The following LTBP3 variants were observed in gnomAD, a reference collection of about 807,000 sequenced individuals.
LTBP3 encodes latent-transforming growth factor beta-binding protein 3.
A neutral mutation model predicts 159.7 loss-of-function variants in LTBP3; 97 were observed. That is an observed-to-expected ratio of 0.61 (90% confidence interval 0.52 to 0.72). The LOEUF (loss-of-function observed/expected upper bound fraction) is 0.72, where lower values mean the gene tolerates loss of function less well. Ranked by LOEUF, LTBP3 falls within the 30% of genes least tolerant of loss-of-function variation. The probability of loss-of-function intolerance (pLI) is 0.00; values close to 1 mark genes in which losing one functional copy is unlikely to be tolerated. For missense variants in LTBP3, 1,584 were observed against 1,864.3 expected (o/e 0.85, Z 2.77); for synonymous variants, 824 against 777.1 (o/e 1.06, Z -1.00).
In LTBP3 at chr11:65,552,677, C is replaced by G. The variant is rs1200911603; in HGVS notation, c.1186+183G>C. On this transcript the variant is annotated intron_variant, in intron 6 of 27. Transcript: ENST00000301873. This position sits in a 1 kb window ranked among gnomAD's most constrained non-coding sequence, Gnocchi z 6.0. ...CTCTGACTCTATGTAATCCCTGACC[C>G]CATGTGACTGCTAATGGCAGATCTC... Among the ~76,000 whole-genome samples the G allele has an allele frequency of 6.6e-6, 1 of 152,178 alleles. No homozygotes were observed. The highest frequency in any genetic ancestry group is 1.5e-5 in the Non-Finnish European group (1 of 68,026).
intron 18 of LTBP3, chr11:65,542,181 A>C: frequency 1.2e-5 from 3 of 243,296 alleles, no homozygotes; most frequent in South Asian, 4.7e-5. Context: ...TGCCTAGGGA[A>C]CTCCTACTTA....
In LTBP3 at chr11:65,551,406, G is replaced by A. The variant is rs751782127; in HGVS notation, c.1617C>T (p.Tyr539=). 9.2e-5 allele frequency: 149 copies of A among 1,613,084 alleles called. No individual in the cohort carries two copies. In the South Asian group the frequency reaches 1.6e-3, roughly 17 times the overall value. The change falls in exon 10 of 28, where the codon TAC becomes TAT. Residue 539 remains tyrosine, a synonymous_variant. Transcript: ENST00000301873. The stretch of plus-strand genomic sequence containing the variant: ...TCCCTACAGTGCCCAGCTCACCGGG[G>A]TAGGGCCGGGCAGGAGTCGTGGTGG... ...PTATTTPARP[Y]PELISRPSPP...
At chr11:65,551,890 G>A (rs1856625476) in intron 8 of LTBP3, 82 bp downstream of exon 8, 5 of 1,465,254 alleles carry the variant, frequency 3.4e-6, no homozygotes, top group Admixed American at 1.7e-5. Context: ...TAGACTGTGA[G>A]GTCAGATCTG....
Position 65,557,456 on chromosome 11 carries a change from G to T in LTBP3, c.331+173C>A, listed in dbSNP as rs556552547. On this transcript the variant is annotated intron_variant, in intron 1 of 27. Coordinates refer to ENST00000301873, the MANE Select transcript of LTBP3 (RefSeq NM_001130144.3). The stretch of plus-strand genomic sequence containing the variant: ...GCCTCCATGCAGCCCTCCAACTCTG[G>T]CCCCCAGAGTTCCAGCCTCCCAAGT... Among the ~76,000 whole-genome samples, 25 of 151,874 alleles carry T rather than the reference G, an allele frequency of 1.6e-4. No individual in the cohort carries two copies. In the South Asian group the frequency reaches 5.0e-3, roughly 30 times the overall value.
At chr11:65,544,986 G>T (rs926415079) in intron 16 of LTBP3, 1 of 153,494 alleles carries the variant, frequency 6.5e-6, no homozygotes, top group Non-Finnish European at 1.5e-5. Flanking sequence ...TATCCCAAAA[G>T]CTACCCTGCC....
rs1856619558 is a variant in LTBP3, at chr11:65,551,689, G to A, written c.1532-125C>T. The A allele has an allele frequency of 1.6e-5, 20 of 1,252,646 alleles. No homozygotes were observed. In the South Asian group the frequency reaches 2.4e-4, roughly 15 times the overall value. 77.6% of individuals were successfully genotyped at this position (1,252,646 alleles called of 1,614,324 possible). On this transcript the variant is annotated intron_variant, in intron 8 of 27. Coordinates refer to ENST00000301873, the MANE Select transcript of LTBP3 (RefSeq NM_001130144.3). ...TTCAACAATCATGTCTCCAGGTCAAGGGTCAGGGGTTAGATTCTGGGGTTA... is the reference window on the plus strand; with the variant it reads ...TTCAACAATCATGTCTCCAGGTCAAAGGTCAGGGGTTAGATTCTGGGGTTA...
rs780427114 is a variant in LTBP3 at position 65,541,194 on chromosome 11, C to T, written c.2825G>A (p.Cys942Tyr). ...VLATNVTQQE[C>Y]CCSLGAGWGD... ...CCAGCCGGCCCCCAGAGAGCAGCAGCACTCCTGCTGGGTCACGTTGGTGGC... is the reference window on the plus strand; with the variant it reads ...CCAGCCGGCCCCCAGAGAGCAGCAGTACTCCTGCTGGGTCACGTTGGTGGC... Residue 942 changes from cysteine (C) to tyrosine (Y), a missense_variant, in exon 20 of 28, where the codon TGC becomes TAC. Cys to Tyr is a radical substitution (Grantham distance 194, BLOSUM62 -2). Transcript: ENST00000301873. 1 of 1,613,726 alleles carries T rather than the reference C, an allele frequency of 6.2e-7. No homozygotes were observed. The highest frequency in any genetic ancestry group is 8.5e-7 in the Non-Finnish European group (1 of 1,179,958).
Position 65,558,037 on chromosome 11 carries a change from C to T in LTBP3, c.-78G>A, listed in dbSNP as rs879931343. The T allele has an allele frequency of 1.1e-4, 122 of 1,065,382 alleles. No homozygotes were observed. The highest frequency in any genetic ancestry group is 1.3e-4 in the Non-Finnish European group (112 of 880,802). 66.0% of individuals were successfully genotyped at this position (1,065,382 alleles called of 1,614,324 possible). A position where few individuals can be genotyped will look rare whatever the true frequency, so the allele number is the denominator to read the frequency against. On this transcript the variant is annotated 5_prime_UTR_variant, in exon 1 of 28. Transcript: ENST00000301873. The stretch of plus-strand genomic sequence containing the variant: ...CCCGCGCCCGAAGGGAGTAGAGGGC[C>T]GGGAGCCCCGGGAGAGGGTAGGGGG...
intron 18 of LTBP3, among the ~76,000 whole-genome samples, chr11:65,542,217 C>T (rs73499027): frequency 0.04 from 6,142 of 152,054 alleles, 445 homozygotes; most frequent in African/African-American, 0.14. Context: ...CAACATTCAC[C>T]TCCCCATTGC....
At position 65,553,057 on chromosome 11, in the gene LTBP3, G is replaced by T; in HGVS notation, c.1064-75C>A. 6.2e-7 allele frequency: 1 copy of T among 1,606,960 alleles called. No individual in the cohort carries two copies. The highest frequency in any genetic ancestry group is 8.5e-7 in the Non-Finnish European group (1 of 1,173,896). ...AGCAGGCTGCTCCAAGAACCTCAGG[G>T]TCTTGCCCCAGCCCCACCTCCTCTC... On this transcript the variant is annotated intron_variant, in intron 5 of 27. Transcript: ENST00000301873. The surrounding 1 kb of genome is among the most constrained non-coding windows in gnomAD (Gnocchi z 6.5).
rs1351516709 is a variant in LTBP3, at chr11:65,552,005, C to A, written c.1498G>T (p.Ala500Ser). The A allele has an allele frequency of 2.5e-6, 4 of 1,613,868 alleles. No homozygotes were observed. Among genetic ancestry groups the A allele is most frequent in the Admixed American group, 1.7e-5 (1 of 59,972 alleles). Residue 500 changes from alanine to serine, a missense_variant, in exon 8 of 28, where the codon GCT (alanine) becomes TCT (serine). By Grantham distance (99) the Ala-to-Ser change is moderately conservative. Around this residue, in one of 6 missense-constraint regions of LTBP3, gnomAD observed 565 missense variants for 677.7 expected, o/e 0.83. Transcript: ENST00000301873. The surrounding 1 kb of genome is among the most constrained non-coding windows in gnomAD (Gnocchi z 6.0). ...PQQLPESPSQ[A>S]PPPEDTEEER... ...TCCTCTGTGTCCTCAGGTGGTGGAG[C>A]CTGGCTAGGGCTCTCCGGAAGCTGC...
chr11:65,540,127 C>T lies in LTBP3; in HGVS notation c.3271G>A (p.Ala1091Thr), dbSNP rs1480271459. Reference sequence around the variant, plus strand: ...TTGACGCAGCGGCCAGGGCGGCAGGCTGCCGGGTCCTGGCACTCGTCCACG... The same window carrying T: ...TTGACGCAGCGGCCAGGGCGGCAGGTTGCCGGGTCCTGGCACTCGTCCACG... The part of the protein sequence containing the change: ...MDVDECQDPA[A>T]CRPGRCVNLP... The change falls in exon 24 of 28, where the codon GCC becomes ACC. Residue 1091 changes from alanine to threonine, a missense_variant. Ala to Thr is a moderately conservative substitution (Grantham distance 58). Around this residue, in one of 6 missense-constraint regions of LTBP3, gnomAD observed 514 missense variants for 530.3 expected, o/e 0.97. Transcript: ENST00000301873. 1 of 1,526,630 alleles carries T rather than the reference C, an allele frequency of 6.6e-7. No individual in the cohort carries two copies. The highest frequency in any genetic ancestry group is 2.5e-5 in the East Asian group (1 of 40,426). 94.6% of individuals were successfully genotyped at this position (1,526,630 alleles called of 1,614,324 possible). A position where few individuals can be genotyped will look rare whatever the true frequency, so the allele number is the denominator to read the frequency against.
chr11:65,540,493 T>C lies in LTBP3; in HGVS notation c.3099A>G (p.Glu1033=). 6.2e-7 allele frequency: 1 copy of C among 1,613,634 alleles called. No individual in the cohort carries two copies. The highest frequency in any genetic ancestry group is 1.1e-5 in the South Asian group (1 of 91,086). The change falls in exon 22 of 28, where the codon GAA becomes GAG. Residue 1033 remains glutamate, a synonymous_variant. Coordinates refer to ENST00000301873, the MANE Select transcript of LTBP3 (RefSeq NM_001130144.3). ...CCGGGGGGCGGAGCTCACCCACGCA[T>C]TCCAGCAGGTTCCCGTCGTAGTAGA... is the stretch of plus-strand genomic sequence containing the variant. ...QGFYYDGNLL[E]CVDVDECLDE... is the part of the protein sequence containing the mutation.
At chr11:65,555,053 T>C (rs992858037) in intron 1 of LTBP3, among the ~76,000 whole-genome samples, 1 of 152,044 alleles carries the variant, frequency 6.6e-6, no homozygotes, top group African/African-American at 2.4e-5. Context: ...CCACCAGGCA[T>C]CCACAGCTGA....
rs934051247 is a variant in LTBP3 at position 65,541,619 on chromosome 11, C to T, written c.2706G>A (p.Gln902=). Residue 902 remains glutamine (Q), a synonymous_variant, in exon 19 of 28, where the codon CAG becomes CAA. Transcript: ENST00000301873. The stretch of plus-strand genomic sequence containing the variant: ...ACTCACCCTCACAACCGTGCTGGTC[C>T]TGGGTGGGAGTGAAGCCCTCATCGC... ...CVCDEGFTPT[Q]DQHGCEEVEQ... is the part of the protein sequence containing the mutation. 6.2e-6 allele frequency: 10 copies of T among 1,614,026 alleles called. No individual in the cohort carries two copies. The highest frequency in any genetic ancestry group is 3.3e-5 in the Admixed American group (2 of 60,012).
At position 65,552,852 on chromosome 11, in the gene LTBP3, G is replaced by C. The variant is rs1856661102; in HGVS notation, c.1186+8C>G. The C allele has an allele frequency of 1.2e-6, 2 of 1,614,128 alleles. No individual in the cohort carries two copies. Among genetic ancestry groups the C allele is most frequent in the East Asian group, 2.2e-5 (1 of 44,884 alleles). On this transcript the variant is annotated splice_region_variant and intron_variant, in intron 6 of 27. Coordinates refer to ENST00000301873, the MANE Select transcript of LTBP3 (RefSeq NM_001130144.3). The surrounding 1 kb of genome is among the most constrained non-coding windows in gnomAD (Gnocchi z 6.0). ...TGACCTCCCAGGAACCTGAGCCCCA[G>C]GTCTCACCAATGCACTGTGTACGGG...
chr11:65,554,093 C>A lies in LTBP3; in HGVS notation c.619G>T (p.Ala207Ser). The A allele has an allele frequency of 6.2e-7, 1 of 1,608,776 alleles. No homozygotes were observed. The highest frequency in any genetic ancestry group is 8.5e-7 in the Non-Finnish European group (1 of 1,179,500). Residue 207 changes from alanine (A) to serine (S), a missense_variant, in exon 2 of 28, where the codon GCC becomes TCC. Around this residue, in one of 6 missense-constraint regions of LTBP3, gnomAD observed 194 missense variants for 198.7 expected, o/e 0.98. Transcript: ENST00000301873. The surrounding 1 kb of genome is among the most constrained non-coding windows in gnomAD (Gnocchi z 5.3). ...CCCGGGCCTAGGGGCACCAGGAAGG[C>A]TGCGTGCTGGGCAGGAGGCCCCTCC... ...PGEGPPAQHA[A>S]FLVPLGPGQI... is the part of the protein sequence containing the mutation.
chr11:65,539,721 C>A lies in LTBP3; in HGVS notation c.3546G>T (p.Ala1182=), dbSNP rs569342451. The stretch of plus-strand genomic sequence containing the variant: ...CCAACTCCTCCCCGACTGCCTTACC[C>A]GCGCCGCGCGGCGGGCACGGTCGGC... ...AQCRPCPPRG[A]GSHCPTSQSE... The change falls in exon 25 of 28, where the codon GCG becomes GCT. Residue 1182 remains alanine (A), a splice_region_variant and synonymous_variant. Coordinates refer to ENST00000301873, the MANE Select transcript of LTBP3 (RefSeq NM_001130144.3). 1.3e-6 allele frequency: 2 copies of A among 1,551,136 alleles called. No individual in the cohort carries two copies. The highest frequency in any genetic ancestry group is 3.8e-5 in the Admixed American group (2 of 53,268).
At chr11:65,540,199 G>A in intron 23 of LTBP3, 46 bp from the exon 24 acceptor site, 3 of 1,543,488 alleles carry the variant, frequency 1.9e-6, no homozygotes, top group Non-Finnish European at 2.6e-6. Flanking sequence ...AGCTCGGCCC[G>A]GGCCCCGCCC....
Sources: gnomAD v4.1 joint callset for allele counts (sites outside exome capture counted in the v4.1 genomes callset) on GRCh38, gnomAD v4.1.1 for gene constraint, gnomAD v4.1.1 regional missense constraint, Gnocchi (gnomAD v3.1) non-coding constraint, MANE v1.5 for transcripts, NCBI Gene and HGNC (gene_info 2026-07-23, HGNC 2026-07-21) for gene names.